The following GPN1 variants were observed in gnomAD, a reference collection of about 807,000 sequenced individuals.
GPN1 encodes GPN-loop GTPase 1.
GPN1 carries 44 observed loss-of-function variants against 55.9 expected under a neutral mutation model. That is an observed-to-expected ratio of 0.79 (90% CI 0.62 to 1.01). The LOEUF is 1.01. GPN1 is among the 50% of genes least tolerant of loss of function. The probability of loss-of-function intolerance (pLI) is 0.00; values close to 1 mark genes in which losing one functional copy is unlikely to be tolerated. For synonymous variants in GPN1, 179 were observed against 162.5 expected, an observed-to-expected ratio of 1.10 and a Z score of -0.77; for missense variants, 466 against 462.8, an observed-to-expected ratio of 1.01 and a Z score of -0.06.
At position 27,640,740 on chromosome 2, in the gene GPN1, G is replaced by A. The variant is rs190274905; in HGVS notation, c.801-500G>A. Among the ~76,000 whole-genome samples the A allele has an allele frequency of 5.3e-5, 8 of 152,284 alleles. No individual in the cohort carries two copies. In the East Asian group the frequency reaches 1.5e-3, roughly 29 times the overall value. On this transcript the variant is annotated intron_variant, in intron 10 of 13. Transcript: ENST00000610189. The stretch of plus-strand genomic sequence containing the variant: ...GATAGCCGGCTTATTAGTGTCATGT[G>A]TCTTTGGCTTCATATTTTGCAAGAT...
intron 4 of GPN1, 145 bp downstream of exon 4, chr2:27,632,045 A>C: frequency 1.5e-6 from 1 of 650,504 alleles, no homozygotes; most frequent in South Asian, 1.8e-5. Context: ...ACAGAGAAGT[A>C]GACTATGAGA....
At chr2:27,639,132 C>G in intron 9 of GPN1, 101 bp downstream of exon 9, 3 of 915,838 alleles carry the variant, frequency 3.3e-6, no homozygotes, top group Non-Finnish European at 5.0e-6. Flanking sequence ...TTATTACCTA[C>G]TGAAAAGTAA....
In GPN1 at chr2:27,643,677, A is replaced by G. The variant is rs1674074728; in HGVS notation, c.931+1158A>G. 6.6e-6 allele frequency among the ~76,000 whole-genome samples: 1 copy of G among 152,150 alleles called. No individual in the cohort carries two copies. Among genetic ancestry groups the G allele is most frequent in the African/African-American group, 2.4e-5 (1 of 41,428 alleles). The stretch of plus-strand genomic sequence containing the variant: ...TGTATTTCATGACTGACATTTTTTA[A>G]GCATGTAGGATAGTTATTTTATAGA... On this transcript the variant is annotated intron_variant, in intron 12 of 13. Transcript: ENST00000610189. The surrounding 1 kb of genome is among the most constrained non-coding windows in gnomAD (Gnocchi z 4.0).
intron 7 of GPN1, among the ~76,000 whole-genome samples, chr2:27,636,761 C>T (rs986832712): frequency 2.0e-5 from 3 of 152,192 alleles, no homozygotes; most frequent in African/African-American, 7.2e-5. Context: ...AGGCATGAGC[C>T]ACTGTGCCTG....
intron 12 of GPN1, among the ~76,000 whole-genome samples, chr2:27,644,556 A>C (rs554373434): frequency 6.6e-6 from 1 of 151,762 alleles, no homozygotes; most frequent in South Asian, 2.1e-4. Context: ...TTTTTTATAG[A>C]TTTGTCTGGT....
intron 13 of GPN1, 87 bp from the exon 14 acceptor site, chr2:27,650,028 G>C: frequency 1.3e-6 from 1 of 768,684 alleles, no homozygotes; most frequent in South Asian, 1.4e-5. Context: ...TAGAAGTAAT[G>C]TACTGTTTTC....
rs560895294 is a variant in GPN1 at position 27,650,993 on chromosome 2, G to A, written c.*793G>A. 7 of 152,486 alleles carry A rather than the reference G, an allele frequency of 4.6e-5. No individual in the cohort carries two copies. In the East Asian group the frequency reaches 7.5e-4, roughly 16 times the overall value. The allele number at this position is 152,486 out of a possible 1,614,324, so 9.4% of individuals were successfully genotyped here. A position where few individuals can be genotyped will look rare whatever the true frequency, so the allele number is the denominator to read the frequency against. ...GTGATATTTTACTAAAGTTTCCCAC[G>A]TGCACATACTGACTAAATACAGAGC... On this transcript the variant is annotated 3_prime_UTR_variant, in exon 14 of 14. Coordinates refer to ENST00000610189, the MANE Select transcript of GPN1 (RefSeq NM_007266.4).
chr2:27,629,822 T>G (rs751654084), intron 1 of GPN1, 37 bp from the exon 2 acceptor site: 1 of 1,122,686 alleles, frequency 8.9e-7, no homozygotes. Flanking sequence ...TTGTCCCCTC[T>G]TTGTCTCCTT....
In GPN1 at chr2:27,643,935, T is replaced by A. The variant is rs142970261; in HGVS notation, c.931+1416T>A. On this transcript the variant is annotated intron_variant, in intron 12 of 13. Coordinates refer to ENST00000610189, the MANE Select transcript of GPN1 (RefSeq NM_007266.4). The surrounding 1 kb of genome is among the most constrained non-coding windows in gnomAD (Gnocchi z 4.0). ...GGCTCACGCCTGTAATCCCAGCATT[T>A]TGGGAGGCCGAGGCGGGTGGATCAC... 1.6e-3 allele frequency among the ~76,000 whole-genome samples: 248 copies of A among 152,316 alleles called. No individual in the cohort carries two copies. Among genetic ancestry groups the A allele is most frequent in the African/African-American group, 5.6e-3 (231 of 41,568 alleles).
At chr2:27,639,391 G>A (rs998610639) in intron 9 of GPN1, among the ~76,000 whole-genome samples, 4 of 152,202 alleles carry the variant, frequency 2.6e-5, no homozygotes, top group Non-Finnish European at 4.4e-5. Context: ...TAAGATTTAT[G>A]TAAGCAAAGG....
chr2:27,641,660 C>T (rs551298800), intron 11 of GPN1, among the ~76,000 whole-genome samples: 71 of 152,290 alleles, frequency 4.7e-4, no homozygotes, highest in East Asian at 4.6e-3. Flanking sequence ...GTGGCACGAT[C>T]GCGGCTCACT....
intron 12 of GPN1, among the ~76,000 whole-genome samples, chr2:27,642,943 T>TTATA (rs774839303): frequency 0.012 from 1,602 of 128,530 alleles, 17 homozygotes; most frequent in East Asian, 0.014. Context: ...AAATGTGGTT[T>TTATA]TATATATATA....
chr2:27,630,409 T>TTTTC, intron 2 of GPN1, among the ~76,000 whole-genome samples: 1 of 148,918 alleles, frequency 6.7e-6, no homozygotes, highest in African/African-American at 2.5e-5. Context: ...TTTTTTTTTT[T>TTTTC]TTAGACAGAG....
Position 27,639,032 on chromosome 2 carries a change from G to A in GPN1, c.717+1G>A, listed in dbSNP as rs773869691. 6.2e-7 allele frequency: 1 copy of A among 1,604,608 alleles called. No individual in the cohort carries two copies. The highest frequency in any genetic ancestry group is 8.5e-7 in the Non-Finnish European group (1 of 1,174,370). On this transcript the variant is annotated splice_donor_variant, in intron 9 of 13. Coordinates refer to ENST00000610189, the MANE Select transcript of GPN1 (RefSeq NM_007266.4). LOFTEE classifies it high-confidence loss of function. ...AGATGAGTTTTACAGCTCACTCAGG[G>A]TAAATTTTCTCTCCTGCTCACACTG...
At chr2:27,638,166 G>A (rs1306214872) in intron 7 of GPN1, 44 bp from the exon 8 acceptor site, 14 of 1,052,516 alleles carry the variant, frequency 1.3e-5, no homozygotes, top group Non-Finnish European at 2.1e-5. Flanking sequence ...ATGAGCAAGA[G>A]CTTATGTGCT....
At chr2:27,635,297 C>CCA in intron 7 of GPN1, 63 bp downstream of exon 7, 2 of 465,008 alleles carry the variant, frequency 4.3e-6, no homozygotes, top group Non-Finnish European at 7.0e-6. Context: ...TCTTCTTCTT[C>CCA]CTCTTTTTTT....
Position 27,631,851 on chromosome 2 carries a change from A to G in GPN1, c.263A>G (p.Asn88Ser), listed in dbSNP as rs1558485738. The G allele has an allele frequency of 1.2e-6, 2 of 1,602,000 alleles. No individual in the cohort carries two copies. The highest frequency in any genetic ancestry group is 1.7e-6 in the Non-Finnish European group (2 of 1,168,970). The change falls in exon 4 of 14, where the codon AAT becomes AGT. Residue 88 changes from asparagine to serine, a missense_variant. Asn to Ser is a conservative substitution (Grantham distance 46, BLOSUM62 1). Transcript: ENST00000610189. ...GTGTCTAGATATGGACTTGGACCCA[A>G]TGGCGGCATAGTGACCTCACTCAAT... ...EVMKQYGLGP[N>S]GGIVTSLNLF...
At chr2:27,640,599 CAT>C (rs1558489607) in intron 10 of GPN1, among the ~76,000 whole-genome samples, 1 of 152,202 alleles carries the variant, frequency 6.6e-6, no homozygotes. Context: ...CAATTGCTGA[CAT>C]ATAGTAAGCA....
rs896006226 is a variant in GPN1, at chr2:27,651,311, G to T, written c.*1111G>T. On this transcript the variant is annotated 3_prime_UTR_variant, in exon 14 of 14. Coordinates refer to ENST00000610189, the MANE Select transcript of GPN1 (RefSeq NM_007266.4). ...AACCTATGAACTCAGAAACCCTGGGGGTGGGCTGAGCAGTCTGTTTTAGAA... is the reference window on the plus strand; with the variant it reads ...AACCTATGAACTCAGAAACCCTGGGTGTGGGCTGAGCAGTCTGTTTTAGAA... 3.3e-5 allele frequency: 5 copies of T among 152,134 alleles called. No homozygotes were observed. Among genetic ancestry groups the T allele is most frequent in the African/African-American group, 1.2e-4 (5 of 41,402 alleles). 9.4% of individuals were successfully genotyped at this position (152,134 alleles called of 1,614,324 possible).
Sources: allele counts gnomAD v4.1 joint callset (sites outside exome capture counted in the v4.1 genomes callset), GRCh38; gene constraint gnomAD v4.1.1; non-coding constraint Gnocchi (gnomAD v3.1); transcripts MANE v1.5; gene names NCBI Gene and HGNC (gene_info 2026-07-23, HGNC 2026-07-21).